The following GPRC6A variants were observed in gnomAD, a reference collection of about 807,000 sequenced individuals.
GPRC6A encodes the protein G protein-coupled receptor family C group 6 member A.
Under a neutral mutation model 47.0 loss-of-function variants are expected in GPRC6A, and 54 were observed. That is an observed-to-expected ratio of 1.15 (90% CI 0.92 to 1.44). The LOEUF is 1.44. Among genes scored for constraint, GPRC6A ranks in the 40% most tolerant of loss-of-function variants. The probability of loss-of-function intolerance (pLI) is 0.00; values close to 1 mark genes in which losing one functional copy is unlikely to be tolerated. For missense variants in GPRC6A, 1,112 were observed against 1,105.5 expected, an observed-to-expected ratio of 1.01 and a Z score of -0.08; for synonymous variants, 347 against 377.1, an observed-to-expected ratio of 0.92 and a Z score of 0.93.
At chr6:116,801,761 G>A (rs1772683200) in intron 3 of GPRC6A, among the ~76,000 whole-genome samples, 1 of 152,148 alleles carries the variant, frequency 6.6e-6, no homozygotes, top group African/African-American at 2.4e-5. Flanking sequence ...ATGTCTACGT[G>A]TGTGTATTTA....
intron 1 of GPRC6A, among the ~76,000 whole-genome samples, chr6:116,825,583 G>T (rs1773653530): frequency 6.6e-6 from 1 of 151,844 alleles, no homozygotes; most frequent in African/African-American, 2.4e-5. Flanking sequence ...AATAAATGGA[G>T]AGACATCTCA....
At chr6:116,811,191 A>G (rs988668022) in intron 1 of GPRC6A, among the ~76,000 whole-genome samples, 16 of 152,256 alleles carry the variant, frequency 1.1e-4, no homozygotes, top group East Asian at 3.9e-4. Flanking sequence ...GATGGCACTT[A>G]TGCCAGTCAT....
intron 1 of GPRC6A, among the ~76,000 whole-genome samples, chr6:116,828,024 A>G (rs1473620750): frequency 1.3e-5 from 2 of 152,152 alleles, no homozygotes; most frequent in Non-Finnish European, 2.9e-5. Flanking sequence ...TAGCAACAGC[A>G]GCTGATGCTG....
At position 116,819,397 on chromosome 6, in the gene GPRC6A, G is replaced by C. The variant is rs1346482681; in HGVS notation, c.194+9423C>G. 1.3e-4 allele frequency among the ~76,000 whole-genome samples: 19 copies of C among 151,088 alleles called. 1 individual carries two copies. Among genetic ancestry groups the C allele is most frequent in the East Asian group, 9.7e-4 (5 of 5,160 alleles). On this transcript the variant is annotated intron_variant, in intron 1 of 5. Transcript: ENST00000310357. ...CAGAACTCTCCACCCCAAATCAACAGAATATACATTTTTTTCAGCACCACA... is the reference window on the plus strand; with the variant it reads ...CAGAACTCTCCACCCCAAATCAACACAATATACATTTTTTTCAGCACCACA...
chr6:116,794,347 G>A (rs1231900038), intron 5 of GPRC6A, among the ~76,000 whole-genome samples: 2 of 152,154 alleles, frequency 1.3e-5, no homozygotes, highest in Non-Finnish European at 2.9e-5. Context: ...AGTTGCTAGT[G>A]TCTGTCATTT....
intron 3 of GPRC6A, among the ~76,000 whole-genome samples, chr6:116,801,306 C>T (rs184849903): frequency 6.6e-4 from 101 of 152,266 alleles, no homozygotes; most frequent in African/African-American, 2.4e-3. Flanking sequence ...AATTACCTGT[C>T]TTGCTACCTA....
chr6:116,821,431 G>C (rs1304937721), intron 1 of GPRC6A, among the ~76,000 whole-genome samples: 2 of 152,052 alleles, frequency 1.3e-5, no homozygotes, highest in East Asian at 3.9e-4. Flanking sequence ...AACAAAGCTG[G>C]AGGCATCACG....
At chr6:116,800,537 G>C (rs767412589) in intron 4 of GPRC6A, 47 bp downstream of exon 4, 2 of 1,182,650 alleles carry the variant, frequency 1.7e-6, no homozygotes, top group South Asian at 1.2e-5. Flanking sequence ...TTGCAGTTGA[G>C]GTACCAATTG....
chr6:116,818,662 G>C (rs1222201393), intron 1 of GPRC6A, among the ~76,000 whole-genome samples: 4 of 145,120 alleles, frequency 2.8e-5, no homozygotes, highest in Non-Finnish European at 4.5e-5. Flanking sequence ...AATGCTGAGA[G>C]ATTTTGTCAC....
At chr6:116,804,035 C>A (rs879334963) in intron 3 of GPRC6A, among the ~76,000 whole-genome samples, 1 of 151,990 alleles carries the variant, frequency 6.6e-6, no homozygotes, top group Non-Finnish European at 1.5e-5. Flanking sequence ...CATTGAGACA[C>A]CAAACATTTG....
rs1562482239 is a variant in GPRC6A, at chr6:116,807,097, A to G, written c.608T>C (p.Ile203Thr). Residue 203 changes from isoleucine to threonine, a missense_variant, in exon 3 of 6, where the codon ATT becomes ACT. Ile to Thr is a moderately conservative substitution (Grantham distance 89). Coordinates refer to ENST00000310357, the MANE Select transcript of GPRC6A (RefSeq NM_148963.4). ...AATCCAGTTCCAACCAGATTTCTGAATCAGGTGAGCCATTGCTTTAATTTG... is the reference window on the plus strand; with the variant it reads ...AATCCAGTTCCAACCAGATTTCTGAGTCAGGTGAGCCATTGCTTTAATTTG... ...FHQIKAMAHL[I>T]QKSGWNWIGI... 2 of 1,613,730 alleles carry G rather than the reference A, an allele frequency of 1.2e-6. No homozygotes were observed. Among genetic ancestry groups the G allele is most frequent in the Non-Finnish European group, 1.7e-6 (2 of 1,179,706 alleles).
intron 1 of GPRC6A, among the ~76,000 whole-genome samples, chr6:116,823,467 A>G (rs1212523858): frequency 6.6e-6 from 1 of 152,066 alleles, no homozygotes; most frequent in African/African-American, 2.4e-5. Context: ...ATATATCACC[A>G]TCATCATTTT....
At chr6:116,793,394 TA>T (rs1413692447) in intron 5 of GPRC6A, 144 bp from the exon 6 acceptor site, 1 of 490,584 alleles carries the variant, frequency 2.0e-6, no homozygotes, top group African/African-American at 2.0e-5. Context: ...CTTATTAAAA[TA>T]AAACATGCTA....
At chr6:116,817,265 C>T (rs1773254286) in intron 1 of GPRC6A, among the ~76,000 whole-genome samples, 1 of 152,178 alleles carries the variant, frequency 6.6e-6, no homozygotes, top group African/African-American at 2.4e-5. Context: ...AGGCACCCCC[C>T]AGCAGGGGCA....
At chr6:116,807,564 C>T (rs1772895622) in intron 2 of GPRC6A, among the ~76,000 whole-genome samples, 1 of 152,158 alleles carries the variant, frequency 6.6e-6, no homozygotes, top group South Asian at 2.1e-4. Context: ...CAGTTTGGAA[C>T]ATCAGTGTGT....
chr6:116,819,880 G>C (rs1773394616), intron 1 of GPRC6A, among the ~76,000 whole-genome samples: 1 of 149,636 alleles, frequency 6.7e-6, no homozygotes, highest in Admixed American at 6.7e-5. Context: ...GAAGGAAATA[G>C]AGACACAAAA....
chr6:116,822,032 C>G (rs1183195638), intron 1 of GPRC6A, among the ~76,000 whole-genome samples: 2 of 143,340 alleles, frequency 1.4e-5, no homozygotes, highest in South Asian at 4.5e-4. Flanking sequence ...CGAACAACCC[C>G]ATCAAAAAGT....
chr6:116,812,954 T>C (rs1278815079), intron 1 of GPRC6A, among the ~76,000 whole-genome samples: 3 of 152,170 alleles, frequency 2.0e-5, no homozygotes, highest in Non-Finnish European at 4.4e-5. Flanking sequence ...AGCATTCCTA[T>C]ACACCAATAA....
rs202038119 is a variant in GPRC6A at position 116,806,463 on chromosome 6, A to G, written c.1242T>C (p.Ser414=). The change falls in exon 3 of 6, where the codon AGT becomes AGC. Residue 414 remains serine (S), a synonymous_variant. Coordinates refer to ENST00000310357, the MANE Select transcript of GPRC6A (RefSeq NM_148963.4). The part of the protein sequence containing the change: ...WDYAEPGLIH[S]IQLAVFALGY... Reference sequence around the variant, plus strand: ...CAAGGGCAAACACTGCAAGCTGAATACTATGAATGAGTCCTGGCTCAGCAT... The same window carrying G: ...CAAGGGCAAACACTGCAAGCTGAATGCTATGAATGAGTCCTGGCTCAGCAT... 2 of 1,613,532 alleles carry G rather than the reference A, an allele frequency of 1.2e-6. No individual in the cohort carries two copies. Among genetic ancestry groups the G allele is most frequent in the East Asian group, 2.2e-5 (1 of 44,876 alleles).
Sources: gnomAD v4.1 joint callset for allele counts (sites outside exome capture counted in the v4.1 genomes callset) on GRCh38, gnomAD v4.1.1 for gene constraint, MANE v1.5 for transcripts, NCBI Gene and HGNC (gene_info 2026-07-23, HGNC 2026-07-21) for gene names.